Variants in ZNF385D observed in about 807,000 individuals in gnomAD.
ZNF385D encodes the protein zinc finger protein 659.
In ZNF385D, 15 loss-of-function variants were observed where a neutral mutation model predicts 35.8. The ratio of observed to expected loss-of-function variants is 0.42; its 90% CI spans 0.28 to 0.64. The LOEUF (loss-of-function observed/expected upper bound fraction) is 0.64. Ranked by LOEUF, ZNF385D falls within the 30% of genes least tolerant of loss-of-function variation. The pLI is 0.23. For synonymous variants in ZNF385D, 212 were observed against 186.8 expected (o/e 1.13, Z -1.10); for missense variants, 474 against 494.6 (o/e 0.96, Z 0.39).
At chr3:21,894,426 C>A (rs954636068) in intron 3 of ZNF385D, among the ~76,000 whole-genome samples, 14 of 152,206 alleles carry the variant, frequency 9.2e-5, no homozygotes, top group Non-Finnish European at 2.1e-4. Context: ...AAAAACATCC[C>A]TGAGTTTTAA....
intron 4 of ZNF385D, among the ~76,000 whole-genome samples, chr3:21,484,500 A>T (rs945656937): frequency 6.6e-6 from 1 of 152,192 alleles, no homozygotes; most frequent in Admixed American, 6.6e-5. Flanking sequence ...ATGTCTCTCC[A>T]GTGCCCCCTG....
chr3:22,108,202 C>T (rs912047713), intron 3 of ZNF385D, among the ~76,000 whole-genome samples: 10 of 152,094 alleles, frequency 6.6e-5, no homozygotes, highest in Non-Finnish European at 1.5e-4. Flanking sequence ...TGCATACATA[C>T]ACACATATAT....
intron 3 of ZNF385D, among the ~76,000 whole-genome samples, chr3:21,847,957 T>G (rs1048454083): frequency 6.6e-6 from 1 of 152,024 alleles, no homozygotes; most frequent in African/African-American, 2.4e-5. Flanking sequence ...TATATCTCAA[T>G]TTTTATATCT....
intron 2 of ZNF385D, among the ~76,000 whole-genome samples, chr3:22,174,024 A>AC (rs1491127795): frequency 3.5e-4 from 15 of 42,494 alleles, no homozygotes; most frequent in African/African-American, 1.2e-3. Flanking sequence ...ATTTACACAC[A>AC]AACACACACA....
chr3:22,298,683 A>G (rs1211486929), intron 2 of ZNF385D, among the ~76,000 whole-genome samples: 2 of 150,296 alleles, frequency 1.3e-5, no homozygotes, highest in African/African-American at 4.9e-5. Context: ...GCCTAAAATT[A>G]AAGATAAATA....
At chr3:21,589,233 T>G (rs919251953) in intron 2 of ZNF385D, among the ~76,000 whole-genome samples, 10 of 152,120 alleles carry the variant, frequency 6.6e-5, no homozygotes. Flanking sequence ...GAAGGGAGCA[T>G]GTCGCTGCCT....
At chr3:22,347,727 G>A (rs1357356970) in intron 2 of ZNF385D, among the ~76,000 whole-genome samples, 1 of 152,058 alleles carries the variant, frequency 6.6e-6, no homozygotes, top group Non-Finnish European at 1.5e-5. Context: ...CAAAAAGATG[G>A]GAATGGAAGA....
At chr3:22,245,129 C>T (rs56696224) in intron 2 of ZNF385D, among the ~76,000 whole-genome samples, 6,832 of 152,152 alleles carry the variant, frequency 0.045, 269 homozygotes, top group African/African-American at 0.1. Flanking sequence ...AACTGAGGTT[C>T]CAAAGTTTGG....
At chr3:22,108,761 C>T (rs1702356824) in intron 3 of ZNF385D, among the ~76,000 whole-genome samples, 1 of 152,006 alleles carries the variant, frequency 6.6e-6, no homozygotes, top group East Asian at 1.9e-4. Context: ...GCCTGCAATC[C>T]CAGCACTCTG....
intron 3 of ZNF385D, among the ~76,000 whole-genome samples, chr3:21,778,532 G>T (rs532381562): frequency 1.3e-5 from 2 of 151,878 alleles, no homozygotes; most frequent in African/African-American, 4.8e-5. Context: ...AAAATTCAGA[G>T]AAACAATTCT....
rs146496073 is a variant in ZNF385D at position 21,645,431 on chromosome 3, G to A, written c.165+19455C>T. On this transcript the variant is annotated intron_variant, in intron 2 of 7. Transcript: ENST00000281523. ...CTAGTTTAAGCTACTGACTCCTTTAGTCTTGAACTCTCCTAAAGGTGGGGG... is the reference window on the plus strand; with the variant it reads ...CTAGTTTAAGCTACTGACTCCTTTAATCTTGAACTCTCCTAAAGGTGGGGG... 3.2e-3 allele frequency among the ~76,000 whole-genome samples: 487 copies of A among 152,222 alleles called. 3 individuals carry two copies. The highest frequency in any genetic ancestry group is 0.011 in the African/African-American group (455 of 41,536).
intron 2 of ZNF385D, among the ~76,000 whole-genome samples, chr3:22,314,447 T>C (rs924052065): frequency 6.6e-6 from 1 of 152,196 alleles, no homozygotes; most frequent in South Asian, 2.1e-4. Context: ...GTGAATGCCA[T>C]TAATTCATTC....
intron 2 of ZNF385D, among the ~76,000 whole-genome samples, chr3:22,367,319 G>C (rs1438509753): frequency 6.6e-6 from 1 of 152,000 alleles, no homozygotes; most frequent in East Asian, 1.9e-4. Context: ...AAAAAAACAA[G>C]GATTCAAATC....
At chr3:21,527,236 C>A (rs1250779258) in intron 3 of ZNF385D, among the ~76,000 whole-genome samples, 1 of 152,120 alleles carries the variant, frequency 6.6e-6, no homozygotes, top group Non-Finnish European at 1.5e-5. Flanking sequence ...AAATGAATCA[C>A]ACTGTGCATA....
intron 3 of ZNF385D, among the ~76,000 whole-genome samples, chr3:21,957,503 G>A (rs763529952): frequency 1.3e-5 from 2 of 152,122 alleles, no homozygotes; most frequent in South Asian, 2.1e-4. Flanking sequence ...CTCAGATGGC[G>A]ATGAGGAACT....
At chr3:22,108,338 A>G (rs1702332777) in intron 3 of ZNF385D, among the ~76,000 whole-genome samples, 1 of 152,114 alleles carries the variant, frequency 6.6e-6, no homozygotes, top group Non-Finnish European at 1.5e-5. Context: ...ATTAACACAG[A>G]AACTATACAT....
intron 3 of ZNF385D, among the ~76,000 whole-genome samples, chr3:21,828,815 G>A (rs956721910): frequency 2.8e-4 from 43 of 152,110 alleles, no homozygotes; most frequent in Non-Finnish European, 1.5e-4. Context: ...AGGCTTTAGC[G>A]GACAATTAAT....
intron 3 of ZNF385D, among the ~76,000 whole-genome samples, chr3:22,163,379 T>C (rs773528429): frequency 1.3e-5 from 2 of 152,290 alleles, no homozygotes; most frequent in Admixed American, 6.5e-5. Flanking sequence ...GCAGGAACAA[T>C]AGCCCCCTAA....
rs573119094 is a variant in ZNF385D, at chr3:22,129,970, C to T, written c.325+38847G>A. ...ATTGGGTCTTTCCCAAGGCCCATGG[C>T]GACTGCTGCCTGGCTACTGCTGATG... On this transcript the variant is annotated intron_variant, in intron 3 of 5. Coordinates refer to the ZNF385D transcript ENST00000494108. Among the ~76,000 whole-genome samples, 11 of 152,200 alleles carry T rather than the reference C, an allele frequency of 7.2e-5. 1 individual carries two copies. The highest frequency in any genetic ancestry group is 1.4e-4 in the African/African-American group (6 of 41,556).
Sources: gnomAD v4.1 joint callset for allele counts (sites outside exome capture counted in the v4.1 genomes callset) on GRCh38, gnomAD v4.1.1 for gene constraint, MANE v1.5 for transcripts, NCBI Gene and HGNC (gene_info 2026-07-23, HGNC 2026-07-21) for gene names.